The following PHKB variants were observed in gnomAD, a reference collection of about 807,000 sequenced individuals.
The protein encoded by PHKB is phosphorylase b kinase regulatory subunit beta.
PHKB carries 122 observed loss-of-function variants against 152.1 expected under a neutral mutation model. That is an observed-to-expected ratio of 0.80 (90% CI 0.69 to 0.93). The LOEUF is 0.93. PHKB is among the 40% of genes least tolerant of loss of function. The pLI, the probability that PHKB is intolerant of heterozygous loss-of-function variation, is 0.00. For missense variants in PHKB, 1,304 were observed against 1,328.4 expected (o/e 0.98, Z 0.29); for synonymous variants, 436 against 464.9 (o/e 0.94, Z 0.80).
intron 8 of PHKB, among the ~76,000 whole-genome samples, chr16:47,581,973 C>T (rs993708682): frequency 5.3e-5 from 8 of 152,092 alleles, no homozygotes; most frequent in Admixed American, 1.3e-4. Flanking sequence ...AGCCACTATG[C>T]GCGGCCGACT....
At chr16:47,481,312 G>A (rs970740161) in intron 1 of PHKB, among the ~76,000 whole-genome samples, 1 of 152,162 alleles carries the variant, frequency 6.6e-6, no homozygotes, top group Non-Finnish European at 1.5e-5. Context: ...TTTTATTGGC[G>A]CTTTTATCCC....
chr16:47,675,519 A>ACACACACT (rs1491544334), intron 26 of PHKB: 49 of 88,088 alleles, frequency 5.6e-4, no homozygotes, highest in African/African-American at 1.3e-3. Flanking sequence ...ACACACACAC[A>ACACACACT]CTCTCTCTCT....
At chr16:47,619,617 C>G (rs1026200253) in intron 14 of PHKB, among the ~76,000 whole-genome samples, 1 of 152,188 alleles carries the variant, frequency 6.6e-6, no homozygotes, top group Non-Finnish European at 1.5e-5. Flanking sequence ...CTAACTTGTT[C>G]CTGTTAAAGG....
chr16:47,571,124 G>A lies in PHKB; in HGVS notation c.711-9171G>A, dbSNP rs1306084857. Among the ~76,000 whole-genome samples the A allele has an allele frequency of 2.6e-5, 4 of 152,258 alleles. No individual in the cohort carries two copies. In the South Asian group the frequency reaches 8.3e-4, roughly 32 times the overall value. On this transcript the variant is annotated intron_variant, in intron 7 of 30. Coordinates refer to ENST00000323584, the MANE Select transcript of PHKB (RefSeq NM_000293.3). ...GCTGGTTTTAGTAGTAGTGTACTTA[G>A]TGTGTGGGAAGGTTCACTGTCTCCT...
At chr16:47,557,836 G>A (rs1247361910) in intron 7 of PHKB, among the ~76,000 whole-genome samples, 1 of 152,082 alleles carries the variant, frequency 6.6e-6, no homozygotes, top group African/African-American at 2.4e-5. Context: ...CGATTCCTCA[G>A]GGATCTAGAA....
At chr16:47,641,854 T>C (rs949129697) in intron 16 of PHKB, among the ~76,000 whole-genome samples, 162 bp downstream of exon 16, 1 of 152,104 alleles carries the variant, frequency 6.6e-6, no homozygotes, top group Non-Finnish European at 1.5e-5. Context: ...TTAATGGACA[T>C]TGTTACTAAA....
At chr16:47,515,365 T>G (rs554900890) in intron 5 of PHKB, among the ~76,000 whole-genome samples, 156 bp from the exon 6 acceptor site, 2 of 152,382 alleles carry the variant, frequency 1.3e-5, no homozygotes, top group African/African-American at 4.8e-5. Flanking sequence ...ATTTTTATTA[T>G]GAACTAAATT....
intron 28 of PHKB, among the ~76,000 whole-genome samples, chr16:47,694,259 A>C (rs1166618394): frequency 6.6e-6 from 1 of 152,220 alleles, no homozygotes; most frequent in African/African-American, 2.4e-5. Context: ...CCTGGCATCT[A>C]AGTCATTCTA....
At position 47,583,579 on chromosome 16, in the gene PHKB, T is replaced by C. The variant is rs549005979; in HGVS notation, c.774+3221T>C. Among the ~76,000 whole-genome samples, 427 of 152,206 alleles carry C rather than the reference T, an allele frequency of 2.8e-3. 2 individuals are homozygous for C. The highest frequency in any genetic ancestry group is 5.8e-3 in the Admixed American group (88 of 15,298). On this transcript the variant is annotated intron_variant, in intron 8 of 30. Transcript: ENST00000323584. ...TGTCTTTAACTAAATTAATTAGAAC[T>C]TTCAAAAAGTACATTCCTTCTTGGT...
intron 26 of PHKB, among the ~76,000 whole-genome samples, chr16:47,681,700 C>G (rs931032906): frequency 6.8e-4 from 103 of 152,260 alleles, no homozygotes; most frequent in African/African-American, 2.3e-3. Flanking sequence ...ATACAGCACA[C>G]TGATGGGTCT....
chr16:47,691,929 T>A (rs1974068167), intron 27 of PHKB, among the ~76,000 whole-genome samples: 3 of 152,200 alleles, frequency 2.0e-5, no homozygotes, highest in African/African-American at 7.2e-5. Context: ...CATAACTTCA[T>A]ATAACTCCAA....
chr16:47,635,715 A>C (rs1567335985), intron 14 of PHKB, among the ~76,000 whole-genome samples: 1 of 152,232 alleles, frequency 6.6e-6, no homozygotes, highest in East Asian at 1.9e-4. Context: ...TTTGAGAGGC[A>C]GGATAAGTGA....
intron 6 of PHKB, among the ~76,000 whole-genome samples, chr16:47,541,653 C>A (rs1162523470): frequency 1.3e-5 from 2 of 152,186 alleles, no homozygotes; most frequent in Non-Finnish European, 2.9e-5. Flanking sequence ...TCTTCTCCTG[C>A]ATCTATTGTT....
chr16:47,462,497 G>C (rs1334477460), intron 1 of PHKB: 1 of 152,206 alleles, frequency 6.6e-6, no homozygotes, highest in East Asian at 1.9e-4. Flanking sequence ...ACCTGGGCGT[G>C]GTGGCGGGCG....
intron 7 of PHKB, among the ~76,000 whole-genome samples, chr16:47,556,754 G>C (rs1259248535): frequency 2.0e-5 from 3 of 152,122 alleles, no homozygotes; most frequent in African/African-American, 7.2e-5. Flanking sequence ...TCTCTGCCAG[G>C]CTTTGGTATC....
rs1409858289 is a variant in PHKB, at chr16:47,701,234, C to T, written c.*1868C>T. On this transcript the variant is annotated 3_prime_UTR_variant, in exon 31 of 31. Transcript: ENST00000323584. ...AAATTTTTGTTTGCCGAAATTTTTA[C>T]GAAAGTAAACTGTGTTGTAGTTTTA... is the stretch of plus-strand genomic sequence containing the variant. 3.3e-5 allele frequency: 5 copies of T among 152,066 alleles called. No homozygotes were observed. The highest frequency in any genetic ancestry group is 4.4e-5 in the Non-Finnish European group (3 of 68,006). The allele number at this position is 152,066 out of a possible 1,614,324, so 9.4% of individuals were successfully genotyped here.
intron 2 of PHKB, among the ~76,000 whole-genome samples, chr16:47,499,181 G>A (rs994085748): frequency 2.0e-5 from 3 of 152,256 alleles, no homozygotes; most frequent in East Asian, 3.9e-4. Context: ...TTCCTAACCT[G>A]TACAATAAAG....
intron 1 of PHKB, among the ~76,000 whole-genome samples, chr16:47,485,965 AAAAAAAAAAGTAGTAAAAAG>A (rs1970042917): frequency 6.6e-6 from 1 of 151,894 alleles, no homozygotes; most frequent in African/African-American, 2.4e-5. Flanking sequence ...AAAAGATTAA[AAAAAAAAAAGTAGTAAAAAG>A]AAAAAAAAAG....
chr16:47,682,105 T>C (rs541331950), intron 26 of PHKB, among the ~76,000 whole-genome samples: 1 of 152,242 alleles, frequency 6.6e-6, no homozygotes, highest in African/African-American at 2.4e-5. Context: ...CACTCTCTTT[T>C]GGCTTGTATT....
Sources: allele counts gnomAD v4.1 joint callset (sites outside exome capture counted in the v4.1 genomes callset), GRCh38; gene constraint gnomAD v4.1.1; transcripts MANE v1.5; gene names NCBI Gene and HGNC (gene_info 2026-07-23, HGNC 2026-07-21).